Variants in HPF1 observed in about 807,000 individuals in gnomAD.
HPF1 encodes the protein histone PARylation factor 1.
In HPF1, 35 loss-of-function variants were observed where a neutral mutation model predicts 38.8. The observed-to-expected ratio is 0.90, with a 90% CI of 0.69 to 1.19. The LOEUF (loss-of-function observed/expected upper bound fraction) is 1.19. Ranked by LOEUF, HPF1 falls within the 50% of genes most tolerant of loss-of-function variation. The pLI is 0.00. For synonymous variants in HPF1, 115 were observed against 139.2 expected, an observed-to-expected ratio of 0.83 and a Z score of 1.22; for missense variants, 367 against 405.8, an observed-to-expected ratio of 0.90 and a Z score of 0.82.
chr4:169,750,458 G>A, intron 3 of HPF1, 78 bp downstream of exon 3: 1 of 1,050,126 alleles, frequency 9.5e-7, no homozygotes, highest in East Asian at 2.5e-5. Flanking sequence ...TTCACCTTGG[G>A]TGAGGCTAGT....
At chr4:169,742,462 G>GA (rs869089376) in intron 4 of HPF1, among the ~76,000 whole-genome samples, 5 of 151,628 alleles carry the variant, frequency 3.3e-5, no homozygotes, top group Admixed American at 6.6e-5. Context: ...TGACCTAACA[G>GA]AAAAAAAAGT....
intron 5 of HPF1, among the ~76,000 whole-genome samples, chr4:169,740,059 G>A (rs1269066466): frequency 2.0e-5 from 3 of 152,310 alleles, no homozygotes; most frequent in East Asian, 1.9e-4. Flanking sequence ...TAGGAAAGCT[G>A]TATAGGGGTG....
Position 169,742,009 on chromosome 4 carries a change from A to G in HPF1, c.596T>C (p.Leu199Ser). The change falls in exon 5 of 8, where the codon TTG becomes TCG. Residue 199 changes from leucine (L) to serine (S), a missense_variant. Physicochemically the swap from Leu to Ser is moderately radical, Grantham distance 145. Coordinates refer to ENST00000393381, the MANE Select transcript of HPF1 (RefSeq NM_017867.3). Reference sequence around the variant, plus strand: ...GGTTCTCTGTTCAAGCGAGTACCCCAATTCTCTGGCTGCTTCTGTGAGTTT... The same window carrying G: ...GGTTCTCTGTTCAAGCGAGTACCCCGATTCTCTGGCTGCTTCTGTGAGTTT... ...DEKLTEAARELGYSLEQRTVK... is the reference protein window; with the variant it reads ...DEKLTEAARESGYSLEQRTVK... The G allele has an allele frequency of 1.2e-6, 2 of 1,613,326 alleles. No homozygotes were observed. Among genetic ancestry groups the G allele is most frequent in the Non-Finnish European group, 1.7e-6 (2 of 1,179,306 alleles).
chr4:169,756,462 A>T (rs995900200), intron 1 of HPF1, among the ~76,000 whole-genome samples: 5 of 152,178 alleles, frequency 3.3e-5, no homozygotes, highest in African/African-American at 1.2e-4. Flanking sequence ...CTCCAACTTA[A>T]GATGTTAGAA....
Position 169,748,786 on chromosome 4 carries a change from C to T in HPF1, c.455G>A (p.Cys152Tyr). 2.6e-6 allele frequency: 4 copies of T among 1,510,992 alleles called. No homozygotes were observed. Among genetic ancestry groups the T allele is most frequent in the Non-Finnish European group, 3.6e-6 (4 of 1,112,812 alleles). 93.6% of individuals were successfully genotyped at this position (1,510,992 alleles called of 1,614,324 possible). ...ATTATCTCCATTTGGAACAATTATACAATTTTTCTTTGCTTCATTTATACC... is the reference window on the plus strand; with the variant it reads ...ATTATCTCCATTTGGAACAATTATATAATTTTTCTTTGCTTCATTTATACC... Reference protein sequence around the residue: ...YVGINEAKKNCIIVPNGDNVF... With the variant: ...YVGINEAKKNYIIVPNGDNVF... Residue 152 changes from cysteine (C) to tyrosine (Y), a missense_variant, in exon 4 of 8, where the codon TGT becomes TAT. Cys to Tyr is a radical substitution (Grantham distance 194). Coordinates refer to ENST00000393381, the MANE Select transcript of HPF1 (RefSeq NM_017867.3).
intron 2 of HPF1, 35 bp downstream of exon 2, chr4:169,753,641 T>C (rs1734147915): frequency 5.1e-6 from 8 of 1,576,812 alleles, no homozygotes; most frequent in Non-Finnish European, 6.9e-6. Context: ...CATTACTCTT[T>C]CCATTAATAC....
rs866246005 is a variant in HPF1 at position 169,730,297 on chromosome 4, A to G, written c.910-588T>C. ...GGTAAGCACTGTGCTAAACCTTTTT[A>G]TAACTCATACATGTTATTTCATTCT... On this transcript the variant is annotated intron_variant, in intron 7 of 7. Transcript: ENST00000393381. 5.3e-5 allele frequency among the ~76,000 whole-genome samples: 8 copies of G among 152,346 alleles called. No homozygotes were observed. The South Asian group carries it at 1.7e-3, about 32-fold the overall frequency.
chr4:169,730,383 A>G (rs1019417494), intron 7 of HPF1, among the ~76,000 whole-genome samples: 36 of 152,234 alleles, frequency 2.4e-4, no homozygotes. Context: ...ATTTATGGCT[A>G]GGGCCTCTCT....
chr4:169,741,815 A>G lies in HPF1; in HGVS notation c.648+142T>C, dbSNP rs80083558. The G allele has an allele frequency of 5.1e-3, 3,421 of 667,574 alleles. 124 individuals carry two copies. In the East Asian group the frequency reaches 0.076, roughly 15 times the overall value. The allele number at this position is 667,574 out of a possible 1,614,324, so 41.4% of individuals were successfully genotyped here. The stretch of plus-strand genomic sequence containing the variant: ...TTCAGTGCCATCCTCTTTCAGTGCC[A>G]TCCTCCTAACATCCCTAAGGGACAG... On this transcript the variant is annotated intron_variant, in intron 5 of 7. Transcript: ENST00000393381.
chr4:169,733,848 T>C (rs1380861201), intron 6 of HPF1, among the ~76,000 whole-genome samples: 3 of 149,632 alleles, frequency 2.0e-5, no homozygotes, highest in Non-Finnish European at 2.9e-5. Flanking sequence ...TGAGCCGTGG[T>C]CATGCCACTG....
In HPF1 at chr4:169,742,269, A is replaced by G. The variant is rs551792778; in HGVS notation, c.498-162T>C. Reference sequence around the variant, plus strand: ...CAAAATCCCTAATAGTTTTCTTCAAATAAGAGAAAAGCAATATTCATAAAA... The same window carrying G: ...CAAAATCCCTAATAGTTTTCTTCAAGTAAGAGAAAAGCAATATTCATAAAA... On this transcript the variant is annotated intron_variant, in intron 4 of 7. Coordinates refer to ENST00000393381, the MANE Select transcript of HPF1 (RefSeq NM_017867.3). Among the ~76,000 whole-genome samples the G allele has an allele frequency of 4.6e-5, 7 of 152,336 alleles. No individual in the cohort carries two copies. In the South Asian group the frequency reaches 6.2e-4, roughly 14 times the overall value.
chr4:169,748,713 T>A, intron 4 of HPF1, 31 bp downstream of exon 4: 2 of 1,083,510 alleles, frequency 1.8e-6, no homozygotes, highest in Non-Finnish European at 2.7e-6. Flanking sequence ...GTATAAACAT[T>A]GTAAACAAAT....
intron 2 of HPF1, among the ~76,000 whole-genome samples, chr4:169,752,168 C>CTTTTTTTT (rs35247508): frequency 1.9e-5 from 2 of 107,178 alleles, no homozygotes; most frequent in Non-Finnish European, 1.7e-5. Flanking sequence ...ACAGGCATGA[C>CTTTTTTTT]TTTTTTTTTT....
intron 4 of HPF1, among the ~76,000 whole-genome samples, chr4:169,743,409 CTTTTTTT>C (rs34941625): frequency 5.0e-4 from 35 of 69,736 alleles, no homozygotes; most frequent in African/African-American, 2.0e-3. Flanking sequence ...TGCCCCTGGC[CTTTTTTT>C]TTTTTTTTTT....
intron 2 of HPF1, among the ~76,000 whole-genome samples, chr4:169,752,099 A>G (rs1382159718): frequency 3.4e-5 from 5 of 145,464 alleles, no homozygotes; most frequent in African/African-American, 7.6e-5. Flanking sequence ...GAAATTTACT[A>G]TTTCTTTTTT....
At chr4:169,735,498 C>T (rs1560886958) in intron 6 of HPF1, among the ~76,000 whole-genome samples, 1 of 152,022 alleles carries the variant, frequency 6.6e-6, no homozygotes, top group Non-Finnish European at 1.5e-5. Flanking sequence ...GTTTTGCTAC[C>T]ACTTCAAAAC....
Position 169,757,784 on chromosome 4 carries a change from T to A in HPF1, c.48+46A>T, listed in dbSNP as rs28450222. 5.9e-4 allele frequency: 888 copies of A among 1,517,540 alleles called. 7 individuals are homozygous for A. In the African/African-American group the frequency reaches 8.8e-3, roughly 15 times the overall value. The allele number at this position is 1,517,540 out of a possible 1,614,324, so 94.0% of individuals were successfully genotyped here. ...GCGCTGCCTCCTGGTGCCCTGGCTG[T>A]CACCCAAAGCGCCCCGCGTAGCCCG... is the stretch of plus-strand genomic sequence containing the variant. On this transcript the variant is annotated intron_variant, in intron 1 of 7. Coordinates refer to ENST00000393381, the MANE Select transcript of HPF1 (RefSeq NM_017867.3).
chr4:169,731,997 G>T (rs571371524), intron 6 of HPF1, 121 bp from the exon 7 acceptor site: 1 of 734,660 alleles, frequency 1.4e-6, no homozygotes, highest in Non-Finnish European at 2.2e-6. Flanking sequence ...TACAACTTGT[G>T]CCACCTTGGG....
chr4:169,734,072 G>T (rs1447710681), intron 6 of HPF1, among the ~76,000 whole-genome samples: 1 of 152,052 alleles, frequency 6.6e-6, no homozygotes, highest in African/African-American at 2.4e-5. Flanking sequence ...GACCAGTATC[G>T]CATTGAACGA....
Sources: gnomAD v4.1 joint callset for allele counts (sites outside exome capture counted in the v4.1 genomes callset) on GRCh38, gnomAD v4.1.1 for gene constraint, MANE v1.5 for transcripts, NCBI Gene and HGNC (gene_info 2026-07-23, HGNC 2026-07-21) for gene names.